The following MNAT1 variants were observed in gnomAD, a reference collection of about 807,000 sequenced individuals.
MNAT1 encodes the protein MNAT1 component of CDK activating kinase, also known as CDK-activating kinase assembly factor MAT1.
In MNAT1, 43 loss-of-function variants were observed where a neutral mutation model predicts 42.0. The observed-to-expected ratio is 1.02, with a 90% CI of 0.80 to 1.32. The LOEUF is 1.32. Ranked by LOEUF, MNAT1 falls within the 40% of genes most tolerant of loss-of-function variation. The probability of loss-of-function intolerance (pLI) is 0.00; values close to 1 mark genes in which losing one functional copy is unlikely to be tolerated. For synonymous variants in MNAT1, 118 were observed against 120.0 expected, an observed-to-expected ratio of 0.98 and a Z score of 0.11; for missense variants, 306 against 350.4, an observed-to-expected ratio of 0.87 and a Z score of 1.01.
At chr14:60,772,383 G>A (rs1464197169) in intron 1 of MNAT1, among the ~76,000 whole-genome samples, 1 of 152,190 alleles carries the variant, frequency 6.6e-6, no homozygotes, top group Non-Finnish European at 1.5e-5. Context: ...TCAGGAGTTT[G>A]AGACCAGCCT....
intron 1 of MNAT1, among the ~76,000 whole-genome samples, chr14:60,748,790 T>A (rs2029943102): frequency 6.6e-6 from 1 of 152,208 alleles, no homozygotes. Flanking sequence ...CTTTTTTTTT[T>A]ATTAGTAGAA....
chr14:60,875,419 C>T (rs1288023315), intron 6 of MNAT1, among the ~76,000 whole-genome samples: 1 of 152,020 alleles, frequency 6.6e-6, no homozygotes, highest in African/African-American at 2.4e-5. Context: ...ACAGGCTTTA[C>T]AATCTGACAG....
chr14:60,955,192 G>A (rs925469598), intron 7 of MNAT1, among the ~76,000 whole-genome samples: 1 of 151,864 alleles, frequency 6.6e-6, no homozygotes, highest in Non-Finnish European at 1.5e-5. Flanking sequence ...TCCTTGTTTG[G>A]CTTTTGTATT....
intron 6 of MNAT1, among the ~76,000 whole-genome samples, chr14:60,846,440 A>G (rs1422329277): frequency 1.3e-5 from 2 of 151,982 alleles, no homozygotes; most frequent in Admixed American, 1.3e-4. Flanking sequence ...TCTAATATTT[A>G]TGGTTGTCCT....
In MNAT1 at chr14:60,863,268, A is replaced by G. The variant is rs17097842; in HGVS notation, c.688-16446A>G. Among the ~76,000 whole-genome samples, 784 of 152,272 alleles carry G rather than the reference A, an allele frequency of 5.1e-3. 14 individuals carry two copies. The highest frequency in any genetic ancestry group is 0.018 in the African/African-American group (736 of 41,568). On this transcript the variant is annotated intron_variant, in intron 6 of 7. Transcript: ENST00000261245. ...TGAAAAGATATAACTAAGTAGATGCATAGCTTACCTGGGGTTATATTTTAT... is the reference window on the plus strand; with the variant it reads ...TGAAAAGATATAACTAAGTAGATGCGTAGCTTACCTGGGGTTATATTTTAT...
intron 1 of MNAT1, among the ~76,000 whole-genome samples, chr14:60,795,947 G>A (rs2032003887): frequency 6.6e-6 from 1 of 152,088 alleles, no homozygotes; most frequent in South Asian, 2.1e-4. Flanking sequence ...TCCCTATCCT[G>A]CTCTTCTTCC....
intron 1 of MNAT1, among the ~76,000 whole-genome samples, chr14:60,748,209 A>G (rs2029914748): frequency 6.6e-6 from 1 of 152,096 alleles, no homozygotes; most frequent in Admixed American, 6.5e-5. Context: ...AAAAAAAAAA[A>G]AAGAAGAAAA....
At chr14:60,793,192 G>T (rs1008604969) in intron 1 of MNAT1, among the ~76,000 whole-genome samples, 6 of 151,136 alleles carry the variant, frequency 4.0e-5, no homozygotes, top group Non-Finnish European at 7.4e-5. Context: ...TGTTGTTGTT[G>T]TTTTTTGCTT....
intron 6 of MNAT1, among the ~76,000 whole-genome samples, chr14:60,834,319 C>T (rs2033314239): frequency 6.6e-6 from 1 of 152,130 alleles, no homozygotes; most frequent in Non-Finnish European, 1.5e-5. Flanking sequence ...TCCCTTTTAA[C>T]ATTGCTTTAG....
chr14:60,738,454 C>A (rs1489201893), intron 1 of MNAT1, among the ~76,000 whole-genome samples: 1 of 151,970 alleles, frequency 6.6e-6, no homozygotes, highest in African/African-American at 2.4e-5. Flanking sequence ...CGGGGTTTCA[C>A]TATGTTGGCC....
chr14:60,796,423 GT>G, intron 2 of MNAT1, 54 bp downstream of exon 2: 2 of 1,466,146 alleles, frequency 1.4e-6, no homozygotes, highest in Non-Finnish European at 1.9e-6. Context: ...TAACAATTAT[GT>G]CAGTAATTGA....
At chr14:60,928,421 T>G (rs549727387) in intron 7 of MNAT1, among the ~76,000 whole-genome samples, 1 of 152,328 alleles carries the variant, frequency 6.6e-6, no homozygotes, top group South Asian at 2.1e-4. Flanking sequence ...TATTTAACTT[T>G]TCAGAAGCTG....
At chr14:60,767,678 G>A (rs1004586487) in intron 1 of MNAT1, among the ~76,000 whole-genome samples, 5 of 151,986 alleles carry the variant, frequency 3.3e-5, no homozygotes, top group East Asian at 1.9e-4. Context: ...TTGGCTCATC[G>A]CAACCTCTGC....
chr14:60,886,704 A>G lies in MNAT1; in HGVS notation c.809+6869A>G, dbSNP rs2034682252. 2.0e-5 allele frequency among the ~76,000 whole-genome samples: 3 copies of G among 151,622 alleles called. No homozygotes were observed. The South Asian group carries it at 6.2e-4, about 32-fold the overall frequency. ...CTATTAGTATAAAGAAATATAGCTGATTTTTGCATGTCTGTTTTCTATCTT... is the reference window on the plus strand; with the variant it reads ...CTATTAGTATAAAGAAATATAGCTGGTTTTTGCATGTCTGTTTTCTATCTT... On this transcript the variant is annotated intron_variant, in intron 7 of 7. Transcript: ENST00000261245.
intron 7 of MNAT1, among the ~76,000 whole-genome samples, chr14:60,966,893 G>T (rs2036692076): frequency 6.6e-6 from 1 of 151,448 alleles, no homozygotes; most frequent in African/African-American, 2.4e-5. Flanking sequence ...AGTATCTTAT[G>T]TATATAATTA....
intron 7 of MNAT1, among the ~76,000 whole-genome samples, chr14:60,915,379 T>G (rs1462172116): frequency 6.6e-6 from 1 of 152,194 alleles, no homozygotes; most frequent in Non-Finnish European, 1.5e-5. Context: ...ATATTCATGG[T>G]GAATATGAAA....
intron 7 of MNAT1, among the ~76,000 whole-genome samples, chr14:60,955,712 G>C (rs1381026940): frequency 6.6e-6 from 1 of 152,024 alleles, no homozygotes; most frequent in African/African-American, 2.4e-5. Context: ...CTATTGGTTT[G>C]TTTACAATTT....
At chr14:60,853,472 A>G (rs1309414784) in intron 6 of MNAT1, among the ~76,000 whole-genome samples, 1 of 152,294 alleles carries the variant, frequency 6.6e-6, no homozygotes, top group Non-Finnish European at 1.5e-5. Context: ...TTTTAAATAT[A>G]CAATCATGTC....
chr14:60,804,381 TCTTA>T, intron 3 of MNAT1, among the ~76,000 whole-genome samples: 1 of 152,354 alleles, frequency 6.6e-6, no homozygotes, highest in Non-Finnish European at 1.5e-5. Flanking sequence ...ATGGTTCTTT[TCTTA>T]CTTTTTAAAG....
Sources: gnomAD v4.1 joint callset for allele counts (sites outside exome capture counted in the v4.1 genomes callset) on GRCh38, gnomAD v4.1.1 for gene constraint, MANE v1.5 for transcripts, NCBI Gene and HGNC (gene_info 2026-07-23, HGNC 2026-07-21) for gene names.